Variants in EYS observed in about 807,000 individuals in gnomAD.
EYS encodes the protein EGF-like photoreceptor maintenance factor.
Under a neutral mutation model 282.1 loss-of-function variants are expected in EYS, and 250 were observed. The ratio of observed to expected loss-of-function variants is 0.89; its 90% CI spans 0.80 to 0.98. The LOEUF (loss-of-function observed/expected upper bound fraction) is 0.98, where lower values mean the gene tolerates loss of function less well. Among genes scored for constraint, EYS ranks in the 50% least tolerant of loss-of-function variants. EYS has a pLI of 0.00. For missense variants in EYS, 4,016 were observed against 3,709.0 expected, an observed-to-expected ratio of 1.08 and a Z score of -2.15; for synonymous variants, 1,355 against 1,282.9, an observed-to-expected ratio of 1.06 and a Z score of -1.20.
At chr6:65,173,128 G>T (rs1765144008) in intron 12 of EYS, among the ~76,000 whole-genome samples, 1 of 151,402 alleles carries the variant, frequency 6.6e-6, no homozygotes, top group South Asian at 2.1e-4. Context: ...CCATCATGTT[G>T]GCCTAAGAGT....
In EYS at chr6:65,066,469, T is replaced by C. The variant is rs148718782; in HGVS notation, c.2024-8742A>G. ...TATAATGCTCAGTCTCATAAATGAA[T>C]ACTTTTTTGTATAATGAAGCAGGAG... On this transcript the variant is annotated intron_variant, in intron 12 of 42. Coordinates refer to ENST00000503581, the MANE Select transcript of EYS (RefSeq NM_001142800.2). Among the ~76,000 whole-genome samples the C allele has an allele frequency of 6.2e-3, 937 of 152,324 alleles. 12 individuals are homozygous for C. Among genetic ancestry groups the C allele is most frequent in the African/African-American group, 0.021 (880 of 41,588 alleles).
At chr6:64,112,631 C>T (rs1282000631) in intron 31 of EYS, among the ~76,000 whole-genome samples, 3 of 151,510 alleles carry the variant, frequency 2.0e-5, no homozygotes, top group African/African-American at 7.3e-5. Flanking sequence ...CTAGTCTTTT[C>T]TATCACATGA....
intron 26 of EYS, among the ~76,000 whole-genome samples, chr6:64,456,140 A>G (rs1470642075): frequency 6.6e-6 from 1 of 152,044 alleles, no homozygotes; most frequent in African/African-American, 2.4e-5. Context: ...TGGTAACACA[A>G]ATTTGTGTAA....
chr6:64,813,195 A>G lies in EYS; in HGVS notation c.3443+183T>C, dbSNP rs992061396. On this transcript the variant is annotated intron_variant, in intron 22 of 42. Transcript: ENST00000503581. Reference sequence around the variant, plus strand: ...AACATGGGAGTGATATGAATATATGATATTTGGAAAATATAAACAATGACA... The same window carrying G: ...AACATGGGAGTGATATGAATATATGGTATTTGGAAAATATAAACAATGACA... Among the ~76,000 whole-genome samples the G allele has an allele frequency of 2.0e-5, 3 of 152,014 alleles. No individual in the cohort carries two copies. In the East Asian group the frequency reaches 5.8e-4, roughly 29 times the overall value.
At chr6:63,866,076 G>A (rs891197717) in intron 35 of EYS, among the ~76,000 whole-genome samples, 7 of 152,044 alleles carry the variant, frequency 4.6e-5, no homozygotes, top group Admixed American at 1.3e-4. Flanking sequence ...ATTATATATC[G>A]ATGCCCCTAA....
chr6:63,964,721 T>C (rs1766224791), intron 35 of EYS, among the ~76,000 whole-genome samples: 1 of 152,196 alleles, frequency 6.6e-6, no homozygotes, highest in African/African-American at 2.4e-5. Flanking sequence ...GCAAGGCAAA[T>C]AGAGCAAAAC....
chr6:65,237,721 G>A (rs557244028), intron 12 of EYS, among the ~76,000 whole-genome samples: 1 of 152,232 alleles, frequency 6.6e-6, no homozygotes, highest in South Asian at 2.1e-4. Flanking sequence ...AGATTTAAAT[G>A]AGTTCATAAG....
At chr6:65,272,323 T>C (rs9363337) in intron 12 of EYS, among the ~76,000 whole-genome samples, 93,229 of 151,882 alleles carry the variant, frequency 0.61, 29,781 homozygotes, top group East Asian at 0.86. Context: ...GAGTGTTCCC[T>C]TGACTTTGAC....
chr6:64,512,762 A>C (rs909317815), intron 26 of EYS, among the ~76,000 whole-genome samples: 2 of 151,998 alleles, frequency 1.3e-5, no homozygotes, highest in African/African-American at 4.8e-5. Context: ...AGAAGTAAGG[A>C]AATGCAAAGA....
chr6:64,931,798 G>A (rs1201604241), intron 15 of EYS, among the ~76,000 whole-genome samples: 1 of 152,092 alleles, frequency 6.6e-6, no homozygotes, highest in East Asian at 1.9e-4. Context: ...GCTTGCAAAT[G>A]TAATGTAAAC....
intron 12 of EYS, among the ~76,000 whole-genome samples, chr6:65,293,253 A>T (rs1768575202): frequency 8.0e-6 from 1 of 125,766 alleles, no homozygotes; most frequent in Admixed American, 7.3e-5. Flanking sequence ...ATGAGGGAAG[A>T]ATATTAACTA....
At chr6:64,827,306 T>A (rs1461478794) in intron 19 of EYS, among the ~76,000 whole-genome samples, 1 of 151,880 alleles carries the variant, frequency 6.6e-6, no homozygotes, top group Non-Finnish European at 1.5e-5. Context: ...TAAATATTCC[T>A]TTTGATATCT....
intron 41 of EYS, among the ~76,000 whole-genome samples, chr6:63,761,357 T>A (rs1226800717): frequency 6.6e-6 from 1 of 152,052 alleles, no homozygotes; most frequent in Admixed American, 6.6e-5. Flanking sequence ...AAACTTCATC[T>A]CATTATTTCA....
chr6:65,353,995 T>C (rs1764386456), intron 8 of EYS, among the ~76,000 whole-genome samples: 2 of 152,108 alleles, frequency 1.3e-5, no homozygotes, highest in Non-Finnish European at 2.9e-5. Context: ...ATAAATGTCA[T>C]GGTGTGTTCA....
chr6:65,197,625 T>C (rs1765802109), intron 12 of EYS, among the ~76,000 whole-genome samples: 3 of 152,128 alleles, frequency 2.0e-5, no homozygotes. Context: ...AGTGATTTCA[T>C]CACTGTGCAA....
intron 22 of EYS, among the ~76,000 whole-genome samples, chr6:64,727,572 C>A (rs1771799143): frequency 6.6e-6 from 1 of 151,946 alleles, no homozygotes; most frequent in East Asian, 1.9e-4. Context: ...TAATTATTTT[C>A]CGGAAAAACA....
intron 26 of EYS, among the ~76,000 whole-genome samples, chr6:64,559,271 A>ATG (rs4034160): frequency 0.023 from 3,268 of 142,118 alleles, 77 homozygotes; most frequent in African/African-American, 0.052. Context: ...GTGTGTGTGC[A>ATG]TGTGTGTGTG....
At chr6:65,306,863 G>A (rs1417911226) in intron 11 of EYS, among the ~76,000 whole-genome samples, 3,591 of 69,310 alleles carry the variant, frequency 0.052, 1 homozygote, top group Middle Eastern at 0.12. Context: ...AAAAAAAAAA[G>A]AAAGTCTAGA....
rs1462805735 is a variant in EYS, at chr6:65,057,624, A to T, written c.2127T>A (p.Pro709=). The change falls in exon 13 of 43, where the codon CCT becomes CCA. Residue 709 remains proline, a synonymous_variant. Transcript: ENST00000503581. ...CTTGGTGTTCATTACCTTTAAATGGAGGCACACACTGGCAGAAGTAATTAC... is the reference window on the plus strand; with the variant it reads ...CTTGGTGTTCATTACCTTTAAATGGTGGCACACACTGGCAGAAGTAATTAC... ...QPGNYFCQCV[P]PFKVVDGFSC... 1 of 1,545,706 alleles carries T rather than the reference A, an allele frequency of 6.5e-7. No individual in the cohort carries two copies. The highest frequency in any genetic ancestry group is 2.0e-5 in the Admixed American group (1 of 50,958).
Sources: allele counts gnomAD v4.1 joint callset (sites outside exome capture counted in the v4.1 genomes callset), GRCh38; gene constraint gnomAD v4.1.1; transcripts MANE v1.5; gene names NCBI Gene and HGNC (gene_info 2026-07-23, HGNC 2026-07-21).